Variants in GABRE observed in about 807,000 individuals in gnomAD.
GABRE encodes gamma-aminobutyric acid type A receptor subunit epsilon.
GABRE carries 20 observed loss-of-function variants against 31.0 expected under a neutral mutation model. The ratio of observed to expected loss-of-function variants is 0.64; its 90% CI spans 0.45 to 0.94. GABRE has a LOEUF of 0.94. GABRE is among the 40% of genes least tolerant of loss of function. The probability of loss-of-function intolerance (pLI) is 0.00; values close to 1 mark genes in which losing one functional copy is unlikely to be tolerated. For missense variants in GABRE, 420 were observed against 410.7 expected (o/e 1.02, Z -0.20); for synonymous variants, 155 against 150.6 (o/e 1.03, Z -0.21).
rs912263626 is a variant in GABRE at position 151,959,545 on chromosome X, T to C, written c.784+294A>G. On this transcript the variant is annotated intron_variant, in intron 6 of 8. Coordinates refer to ENST00000370328, the MANE Select transcript of GABRE (RefSeq NM_004961.4). ...GAGGTCAGAGTTGTAACCTCGAAAC[T>C]GAAGGGTCTGCATGAAAAAGCCAGC... The C allele has an allele frequency of 2.1e-4, 86 of 400,436 alleles. No homozygotes were observed. The Middle Eastern group carries it at 3.3e-3, about 16-fold the overall frequency. 33.0% of individuals were successfully genotyped at this position (400,436 alleles called of 1,213,427 possible).
chrX:151,969,149 A>G (rs1485363637), intron 3 of GABRE, among the ~76,000 whole-genome samples: 1 of 111,861 alleles, frequency 8.9e-6, no homozygotes, highest in Non-Finnish European at 1.9e-5. Context: ...AGGGCCTTCA[A>G]CTGCATGTAG....
chrX:151,958,594 A>G (rs1182935076), intron 6 of GABRE: 1 of 381,152 alleles, frequency 2.6e-6, no homozygotes, highest in Admixed American at 2.6e-5. Flanking sequence ...TGTAGTCACT[A>G]GGGCACCATT....
intron 3 of GABRE, among the ~76,000 whole-genome samples, chrX:151,967,920 C>T (rs1288000699): frequency 8.9e-6 from 1 of 112,523 alleles, no homozygotes; most frequent in East Asian, 2.8e-4. Flanking sequence ...CTTCTGTAAT[C>T]CCTTGACAGG....
At chrX:151,972,465 C>T (rs769972459) in intron 1 of GABRE, 2 of 754,036 alleles carry the variant, frequency 2.7e-6, no homozygotes, top group Non-Finnish European at 3.1e-6. Flanking sequence ...ACAATCAGAA[C>T]TGGCAGTCAG....
intron 6 of GABRE, chrX:151,958,589 T>C: frequency 2.6e-6 from 1 of 380,439 alleles, no homozygotes; most frequent in Middle Eastern, 4.6e-4. Context: ...GGCTTTGTAG[T>C]CACTAGGGCA....
At chrX:151,966,900 C>T (rs990570422) in intron 3 of GABRE, among the ~76,000 whole-genome samples, 5 of 112,003 alleles carry the variant, frequency 4.5e-5, no homozygotes, top group Non-Finnish European at 9.4e-5. Context: ...AGACTATATC[C>T]TTCAAGCATT....
At chrX:151,958,564 T>C (rs1569453624) in intron 6 of GABRE, 2 of 375,477 alleles carry the variant, frequency 5.3e-6, no homozygotes, top group Non-Finnish European at 1.1e-5. Flanking sequence ...GCTTTGATGA[T>C]GATGCTGGCT....
intron 1 of GABRE, chrX:151,971,170 CT>C (rs1934683741): frequency 1.2e-6 from 1 of 830,209 alleles, no homozygotes; most frequent in African/African-American, 2.1e-5. Flanking sequence ...ATAGTGCTGC[CT>C]TTGCTGGGAG....
chrX:151,959,845 G>A lies in GABRE; in HGVS notation c.778C>T (p.Pro260Ser), dbSNP rs1443675832. Reference sequence around the variant, plus strand: ...CAAGCCCTGGCACGCTTACCAACTGGGGTTGTGATTATTTCAGTTTTGTTG... The same window carrying A: ...CAAGCCCTGGCACGCTTACCAACTGAGGTTGTGATTATTTCAGTTTTGTTG... ...VSNKTEIITTPVGDFMVMTIF... is the reference protein window; with the variant it reads ...VSNKTEIITTSVGDFMVMTIF... The change falls in exon 6 of 9, where the codon CCA becomes TCA. Residue 260 changes from proline (P) to serine (S), a missense_variant. Transcript: ENST00000370328. The A allele has an allele frequency of 8.3e-7, 1 of 1,210,456 alleles. No individual in the cohort carries two copies. The highest frequency in any genetic ancestry group is 1.1e-6 in the Non-Finnish European group (1 of 894,841).
chrX:151,960,348 A>AAAG (rs1239070725), intron 5 of GABRE, among the ~76,000 whole-genome samples: 1 of 112,465 alleles, frequency 8.9e-6, no homozygotes, highest in Non-Finnish European at 1.9e-5. Flanking sequence ...CATACTCAGA[A>AAAG]AAGACTTCAT....
intron 3 of GABRE, among the ~76,000 whole-genome samples, chrX:151,966,744 A>T (rs1934535967): frequency 8.9e-6 from 1 of 112,271 alleles, no homozygotes; most frequent in African/African-American, 3.2e-5. Context: ...AGGAAAATTT[A>T]ACACCACATG....
intron 6 of GABRE, chrX:151,956,570 A>C (rs1934176349): frequency 8.9e-6 from 1 of 112,607 alleles, no homozygotes; most frequent in South Asian, 3.7e-4. Context: ...CCATCTGCTC[A>C]CAGATTTCCT....
chrX:151,972,057 C>A (rs1312602687), intron 1 of GABRE: 39 of 751,075 alleles, frequency 5.2e-5, no homozygotes, highest in Non-Finnish European at 5.6e-5. Context: ...TTTTTTTAAG[C>A]CATAAGGCAA....
chrX:151,961,569 C>T (rs1728038664), intron 4 of GABRE, among the ~76,000 whole-genome samples: 1 of 111,344 alleles, frequency 9.0e-6, no homozygotes, highest in Admixed American at 9.5e-5. Flanking sequence ...CAGGCTCAAG[C>T]AATTCTCATG....
intron 6 of GABRE, chrX:151,956,379 G>A (rs1452263452): frequency 2.5e-5 from 3 of 118,761 alleles, no homozygotes; most frequent in Admixed American, 8.3e-5. Flanking sequence ...AAATGCCTTC[G>A]TGAGTGAGCA....
chrX:151,967,829 A>T (rs1226953167), intron 3 of GABRE, among the ~76,000 whole-genome samples: 1 of 111,839 alleles, frequency 8.9e-6, no homozygotes, highest in Non-Finnish European at 1.9e-5. Flanking sequence ...AGTTGCTCTA[A>T]CAGAAGAACA....
intron 1 of GABRE, among the ~76,000 whole-genome samples, chrX:151,973,978 C>T (rs764721443): frequency 9.0e-6 from 1 of 111,186 alleles, no homozygotes; most frequent in Admixed American, 9.5e-5. Flanking sequence ...TAAACCAAAG[C>T]TCGTGCCTGA....
chrX:151,955,663 A>C, intron 7 of GABRE, 45 bp downstream of exon 7: 1 of 1,207,737 alleles, frequency 8.3e-7, no homozygotes, highest in Non-Finnish European at 1.1e-6. Flanking sequence ...TGGCCCAGCC[A>C]ACTCCCAGCC....
intron 8 of GABRE, 69 bp from the exon 9 acceptor site, chrX:151,955,153 G>A (rs1312313626): frequency 1.4e-5 from 17 of 1,174,802 alleles, no homozygotes; most frequent in Middle Eastern, 2.3e-4. Flanking sequence ...TGCTGCCTCC[G>A]GATTTTCTGG....
Sources: gnomAD v4.1 joint callset for allele counts (sites outside exome capture counted in the v4.1 genomes callset) on GRCh38, gnomAD v4.1.1 for gene constraint, MANE v1.5 for transcripts, NCBI Gene and HGNC (gene_info 2026-07-23, HGNC 2026-07-21) for gene names.